Variants in CCDC7 observed in about 807,000 individuals in gnomAD.
CCDC7 encodes the protein coiled-coil domain-containing protein 7.
Under a neutral mutation model 196.9 loss-of-function variants are expected in CCDC7, and 183 were observed. The observed-to-expected ratio is 0.93, with a 90% CI of 0.82 to 1.05. The LOEUF (loss-of-function observed/expected upper bound fraction) is 1.05, where lower values mean the gene tolerates loss of function less well. Ranked by LOEUF, CCDC7 falls within the 50% of genes least tolerant of loss-of-function variation. The pLI, the probability that CCDC7 is intolerant of heterozygous loss-of-function variation, is 0.00. For synonymous variants in CCDC7, 525 were observed against 484.6 expected, an observed-to-expected ratio of 1.08 and a Z score of -1.10; for missense variants, 1,540 against 1,482.2, an observed-to-expected ratio of 1.04 and a Z score of -0.64.
At chr10:32,451,649 C>G in exon 1 of CCDC7, 1 of 1,576,844 alleles carries the variant, frequency 6.3e-7, no homozygotes, top group Non-Finnish European at 8.6e-7. Context: ...CAAAATGAAA[C>G]CAGTAAAGCA....
chr10:32,617,213 A>G (rs1233966278), intron 18 of CCDC7, among the ~76,000 whole-genome samples: 2 of 150,734 alleles, frequency 1.3e-5, no homozygotes, highest in African/African-American at 2.4e-5. Context: ...GTTTTTGTCA[A>G]TTTTCTTTAC....
At chr10:32,679,094 A>G (rs546048401) in intron 21 of CCDC7, among the ~76,000 whole-genome samples, 6 of 152,314 alleles carry the variant, frequency 3.9e-5, no homozygotes, top group East Asian at 1.9e-4. Flanking sequence ...TAAAGCATGT[A>G]TACTCTAAGA....
In CCDC7 at chr10:32,798,332, T is replaced by C. The variant is rs139398932; in HGVS notation, c.3014-6683T>C. On this transcript the variant is annotated intron_variant, in intron 29 of 41. Transcript: ENST00000639629. ...GTGGCCGTAGCCAGATCAGCCTTGGTGAGTGGAAGTCCACATTGCTGAGCC... is the reference window on the plus strand; with the variant it reads ...GTGGCCGTAGCCAGATCAGCCTTGGCGAGTGGAAGTCCACATTGCTGAGCC... 4.3e-3 allele frequency among the ~76,000 whole-genome samples: 660 copies of C among 152,308 alleles called. 4 individuals are homozygous for C. The highest frequency in any genetic ancestry group is 0.015 in the African/African-American group (641 of 41,570).
chr10:32,581,594 G>C (rs2058736099), intron 16 of CCDC7, among the ~76,000 whole-genome samples: 2 of 152,124 alleles, frequency 1.3e-5, no homozygotes, highest in African/African-American at 4.8e-5. Context: ...CCCCTCAGTG[G>C]AAGTATCATG....
chr10:32,665,759 C>T (rs920573697), intron 21 of CCDC7, among the ~76,000 whole-genome samples: 23 of 151,924 alleles, frequency 1.5e-4, no homozygotes, highest in African/African-American at 4.6e-4. Context: ...AAAAATGTTG[C>T]TGGGATTTTG....
At chr10:32,526,541 A>G (rs983624542) in intron 11 of CCDC7, among the ~76,000 whole-genome samples, 3 of 152,038 alleles carry the variant, frequency 2.0e-5, no homozygotes, top group Admixed American at 6.6e-5. Context: ...TGAAGCCCCC[A>G]TGTCTCAGAG....
chr10:32,546,921 G>A (rs1373624656), intron 13 of CCDC7, among the ~76,000 whole-genome samples: 1 of 152,176 alleles, frequency 6.6e-6, no homozygotes, highest in Non-Finnish European at 1.5e-5. Context: ...ACTTCTAGGG[G>A]CAGTCTGCAG....
At chr10:32,722,732 G>A (rs1217508929) in intron 25 of CCDC7, among the ~76,000 whole-genome samples, 1 of 151,962 alleles carries the variant, frequency 6.6e-6, no homozygotes, top group Non-Finnish European at 1.5e-5. Context: ...ATCACATTCT[G>A]AGATACTGAG....
At chr10:32,563,858 C>T (rs1470689582) in intron 13 of CCDC7, among the ~76,000 whole-genome samples, 1 of 151,808 alleles carries the variant, frequency 6.6e-6, no homozygotes, top group Non-Finnish European at 1.5e-5. Context: ...TCAGAGTGAA[C>T]AGGCAACCTA....
At chr10:32,706,874 C>T (rs779745208) in intron 24 of CCDC7, among the ~76,000 whole-genome samples, 3 of 152,160 alleles carry the variant, frequency 2.0e-5, no homozygotes, top group East Asian at 1.9e-4. Context: ...GATTTACAGC[C>T]GAATTCTACC....
chr10:32,818,619 A>G (rs1010328644), intron 31 of CCDC7, among the ~76,000 whole-genome samples: 1 of 152,260 alleles, frequency 6.6e-6, no homozygotes, highest in Non-Finnish European at 1.5e-5. Context: ...GTAAAAGCAC[A>G]GAAATTATAA....
In CCDC7 at chr10:32,543,402, CAT is replaced by C; in HGVS notation, c.1079+18_1079+19del. 1.5e-6 allele frequency: 2 copies of C among 1,314,546 alleles called. No individual in the cohort carries two copies. Among genetic ancestry groups the C allele is most frequent in the Non-Finnish European group, 2.0e-6 (2 of 990,030 alleles). 81.4% of individuals were successfully genotyped at this position (1,314,546 alleles called of 1,614,324 possible). On this transcript the variant is annotated intron_variant, in intron 12 of 41. Transcript: ENST00000639629. Reference sequence around the variant, plus strand: ...TTCAGAAAAGTAAGACATAAAGATACATGTTAATCTTTTTTTCCTTGTTAATT... The same window carrying C: ...TTCAGAAAAGTAAGACATAAAGATACGTTAATCTTTTTTTCCTTGTTAATT...
chr10:32,690,986 G>A (rs1351098358), intron 23 of CCDC7, among the ~76,000 whole-genome samples: 2 of 152,192 alleles, frequency 1.3e-5, no homozygotes, highest in Non-Finnish European at 2.9e-5. Flanking sequence ...CCAGTTCCTG[G>A]TGTCAGAGGT....
At chr10:32,610,020 G>A (rs1182385337) in intron 18 of CCDC7, among the ~76,000 whole-genome samples, 3 of 145,060 alleles carry the variant, frequency 2.1e-5, no homozygotes, top group Non-Finnish European at 4.4e-5. Flanking sequence ...TTGCGTATGT[G>A]TATGTATGAG....
intron 8 of CCDC7, among the ~76,000 whole-genome samples, chr10:32,488,179 C>G (rs1354650649): frequency 6.6e-6 from 1 of 152,228 alleles, no homozygotes; most frequent in Non-Finnish European, 1.5e-5. Context: ...CAAGCCTCGG[C>G]AATGGCGGGC....
chr10:32,491,217 T>A (rs1290606635), intron 8 of CCDC7, among the ~76,000 whole-genome samples: 1 of 152,192 alleles, frequency 6.6e-6, no homozygotes, highest in Non-Finnish European at 1.5e-5. Flanking sequence ...ATATAATTAA[T>A]GTTTAGGAAC....
chr10:32,687,820 A>G (rs1178909582), intron 22 of CCDC7, among the ~76,000 whole-genome samples: 1 of 152,162 alleles, frequency 6.6e-6, no homozygotes, highest in African/African-American at 2.4e-5. Context: ...TGTGATGGGT[A>G]GAGGAAATAG....
chr10:32,719,659 TAAAC>T (rs1417441622), intron 25 of CCDC7, among the ~76,000 whole-genome samples: 21 of 151,970 alleles, frequency 1.4e-4, no homozygotes, highest in African/African-American at 5.1e-4. Flanking sequence ...ACAAGGAACT[TAAAC>T]AAATTTACAA....
intron 29 of CCDC7, among the ~76,000 whole-genome samples, chr10:32,793,987 G>A (rs2083139546): frequency 6.6e-6 from 1 of 152,124 alleles, no homozygotes; most frequent in Non-Finnish European, 1.5e-5. Context: ...ATTAGGTTCA[G>A]GGTATATGTG....
Sources: gnomAD v4.1 joint callset for allele counts (sites outside exome capture counted in the v4.1 genomes callset) on GRCh38, gnomAD v4.1.1 for gene constraint, MANE v1.5 for transcripts, NCBI Gene and HGNC (gene_info 2026-07-23, HGNC 2026-07-21) for gene names.